LUZP2: variants seen among roughly 807,000 people sequenced by gnomAD.
LUZP2 encodes leucine zipper protein 2.
Under a neutral mutation model 51.6 loss-of-function variants are expected in LUZP2, and 52 were observed. The ratio of observed to expected loss-of-function variants is 1.01; its 90% CI spans 0.81 to 1.27. The LOEUF (loss-of-function observed/expected upper bound fraction) is 1.27. Ranked by LOEUF, LUZP2 falls within the 50% of genes most tolerant of loss-of-function variation. The pLI, the probability that LUZP2 is intolerant of heterozygous loss-of-function variation, is 0.00. For synonymous variants in LUZP2, 154 were observed against 137.3 expected, an observed-to-expected ratio of 1.12 and a Z score of -0.85; for missense variants, 436 against 395.4, an observed-to-expected ratio of 1.10 and a Z score of -0.87.
At chr11:24,553,688 T>A (rs1851783691) in intron 1 of LUZP2, among the ~76,000 whole-genome samples, 1 of 152,108 alleles carries the variant, frequency 6.6e-6, no homozygotes, top group African/African-American at 2.4e-5. Context: ...TGAGTTTTGT[T>A]ATAGACTAGA....
chr11:24,892,504 A>G (rs1852890145), intron 5 of LUZP2: 1 of 642,576 alleles, frequency 1.6e-6, no homozygotes, highest in Non-Finnish European at 1.9e-6. Flanking sequence ...TCTTCAATAA[A>G]GCGTATATAT....
chr11:24,873,755 A>G (rs142327688), intron 5 of LUZP2, among the ~76,000 whole-genome samples: 3 of 152,322 alleles, frequency 2.0e-5, no homozygotes, highest in Admixed American at 2.0e-4. Context: ...TCTACATTTT[A>G]TCTCTGCCTT....
chr11:24,960,174 G>A (rs918834621), intron 7 of LUZP2, among the ~76,000 whole-genome samples: 1 of 152,046 alleles, frequency 6.6e-6, no homozygotes, highest in African/African-American at 2.4e-5. Flanking sequence ...GAGGATTTTT[G>A]CATCAATGTT....
intron 9 of LUZP2, among the ~76,000 whole-genome samples, chr11:25,021,673 G>A (rs1384876957): frequency 1.3e-5 from 2 of 152,044 alleles, no homozygotes; most frequent in Non-Finnish European, 2.9e-5. Context: ...GAATTTTCAT[G>A]TTAACTGAAT....
chr11:24,849,238 G>A (rs1327247472), intron 5 of LUZP2, among the ~76,000 whole-genome samples: 1 of 151,966 alleles, frequency 6.6e-6, no homozygotes. Context: ...CCATCAACCT[G>A]TCAAATACAT....
intron 5 of LUZP2, among the ~76,000 whole-genome samples, chr11:24,854,984 G>A (rs1314565738): frequency 6.6e-6 from 1 of 152,140 alleles, no homozygotes; most frequent in Non-Finnish European, 1.5e-5. Flanking sequence ...GTCCCAGTGA[G>A]ATGAGCTGGG....
chr11:24,821,956 T>G (rs1164355065), intron 5 of LUZP2, among the ~76,000 whole-genome samples: 1 of 150,832 alleles, frequency 6.6e-6, no homozygotes, highest in East Asian at 1.9e-4. Flanking sequence ...AACTAACTTC[T>G]GTTCATAACC....
chr11:24,561,924 T>G (rs1307433776), intron 1 of LUZP2, among the ~76,000 whole-genome samples: 1 of 152,086 alleles, frequency 6.6e-6, no homozygotes, highest in Non-Finnish European at 1.5e-5. Flanking sequence ...GCATAAAATT[T>G]GCCAAATGAA....
rs531482512 is a variant in LUZP2, at chr11:24,529,063, C to T, written c.62+31758C>T. Among the ~76,000 whole-genome samples the T allele has an allele frequency of 9.9e-5, 15 of 151,078 alleles. No individual in the cohort carries two copies. The South Asian group carries it at 2.9e-3, about 29-fold the overall frequency. On this transcript the variant is annotated intron_variant, in intron 1 of 11. Transcript: ENST00000336930. ...TCAAACTCGCAGTGCAAATCAGGCA[C>T]TTGCTGTCCTTTAATAATAACATAG...
At chr11:24,785,430 A>C (rs1356414726) in intron 5 of LUZP2, among the ~76,000 whole-genome samples, 5 of 152,062 alleles carry the variant, frequency 3.3e-5, no homozygotes, top group Non-Finnish European at 5.9e-5. Flanking sequence ...TGAATTATTA[A>C]ATAAAGCATG....
intron 1 of LUZP2, among the ~76,000 whole-genome samples, chr11:24,670,996 C>G (rs1037522863): frequency 1.3e-5 from 2 of 151,648 alleles, no homozygotes; most frequent in Non-Finnish European, 3.0e-5. Context: ...ATTATTCTTT[C>G]TCAAAGATGT....
chr11:24,587,046 C>A (rs559203417), intron 1 of LUZP2, among the ~76,000 whole-genome samples: 10 of 152,100 alleles, frequency 6.6e-5, no homozygotes, highest in Non-Finnish European at 1.2e-4. Flanking sequence ...TCTGATGTAA[C>A]ACAAACAATT....
At chr11:24,898,245 A>AC (rs1400799520) in intron 5 of LUZP2, among the ~76,000 whole-genome samples, 2 of 109,720 alleles carry the variant, frequency 1.8e-5, no homozygotes, top group Non-Finnish European at 4.0e-5. Flanking sequence ...AGTGACAATT[A>AC]TAAAAAAAAA....
intron 9 of LUZP2, among the ~76,000 whole-genome samples, chr11:24,996,734 G>A (rs967259989): frequency 6.6e-6 from 1 of 151,578 alleles, no homozygotes; most frequent in Admixed American, 6.6e-5. Context: ...TCGTCATTTA[G>A]CATTAGGTAT....
At chr11:24,540,805 G>A (rs562096219) in intron 1 of LUZP2, among the ~76,000 whole-genome samples, 7 of 152,084 alleles carry the variant, frequency 4.6e-5, no homozygotes, top group South Asian at 2.1e-4. Context: ...TGGAATAATC[G>A]TTATGGATAA....
intron 9 of LUZP2, among the ~76,000 whole-genome samples, chr11:25,012,028 C>G (rs1565225780): frequency 6.6e-6 from 1 of 152,102 alleles, no homozygotes; most frequent in African/African-American, 2.4e-5. Context: ...CTACCCTTTT[C>G]TAACAAAATG....
chr11:24,700,476 T>C (rs1457042071), intron 1 of LUZP2, among the ~76,000 whole-genome samples: 2 of 152,188 alleles, frequency 1.3e-5, no homozygotes, highest in Non-Finnish European at 2.9e-5. Flanking sequence ...CCTACGCCTT[T>C]CTCTTTCTAG....
At chr11:24,772,267 T>C (rs1442501884) in intron 5 of LUZP2, among the ~76,000 whole-genome samples, 1 of 152,220 alleles carries the variant, frequency 6.6e-6, no homozygotes, top group African/African-American at 2.4e-5. Flanking sequence ...GGTTCAACTC[T>C]TGTGGCTGTA....
At position 24,914,591 on chromosome 11, in the gene LUZP2, T is replaced by C. The variant is rs376199840; in HGVS notation, c.522+53T>C. On this transcript the variant is annotated intron_variant, in intron 7 of 11. Coordinates refer to ENST00000336930, the MANE Select transcript of LUZP2 (RefSeq NM_001009909.4). ...AAACTTGCTAGCTCAATACCTAAAA[T>C]ATCAAAAACATTATTTAGGTTAAAT... The C allele has an allele frequency of 6.0e-6, 7 of 1,161,592 alleles. No homozygotes were observed. In the African/African-American group the frequency reaches 1.1e-4, roughly 18 times the overall value. The allele number at this position is 1,161,592 out of a possible 1,614,324, so 72.0% of individuals were successfully genotyped here.
Sources: gnomAD v4.1 joint callset for allele counts (sites outside exome capture counted in the v4.1 genomes callset) on GRCh38, gnomAD v4.1.1 for gene constraint, MANE v1.5 for transcripts, NCBI Gene and HGNC (gene_info 2026-07-23, HGNC 2026-07-21) for gene names.